MKRN1: variants seen among roughly 807,000 people sequenced by gnomAD.
MKRN1 encodes makorin ring finger protein 1.
A neutral mutation model predicts 55.5 loss-of-function variants in MKRN1; 9 were observed. That is an observed-to-expected ratio of 0.16 (90% confidence interval 0.10 to 0.28). The LOEUF is 0.28. Ranked by LOEUF, MKRN1 falls within the 10% of genes least tolerant of loss-of-function variation. The pLI is 1.00. For synonymous variants in MKRN1, 253 were observed against 235.9 expected (o/e 1.07, Z -0.66); for missense variants, 488 against 626.7 (o/e 0.78, Z 2.36).
chr7:140,453,775 G>A lies in MKRN1; in HGVS notation c.*742C>T, dbSNP rs530764176. On this transcript the variant is annotated 3_prime_UTR_variant, in exon 8 of 8. Transcript: ENST00000255977. ...AAGAATACTGCATCTATGCAGGGAT[G>A]AGAAGCTTATCACACACCCACACAC... The A allele has an allele frequency of 1.7e-3, 264 of 153,820 alleles. No individual in the cohort carries two copies. The highest frequency in any genetic ancestry group is 2.7e-3 in the Non-Finnish European group (188 of 68,858). 9.5% of individuals were successfully genotyped at this position (153,820 alleles called of 1,614,324 possible).
Position 140,470,011 on chromosome 7 carries a change from G to T in MKRN1, c.314+1872C>A, listed in dbSNP as rs548347803. Among the ~76,000 whole-genome samples the T allele has an allele frequency of 3.5e-3, 473 of 134,698 alleles. 3 individuals are homozygous for T. Among genetic ancestry groups the T allele is most frequent in the Admixed American group, 5.5e-3 (62 of 11,204 alleles). 88.4% of individuals were successfully genotyped at this position (134,698 alleles called of 152,430 possible). ...TGCAGTGAGCTGAGGCTGTGCCACT[G>T]AACTCCAGCCTGGCGACAGAGCTAG... On this transcript the variant is annotated intron_variant, in intron 2 of 7. Transcript: ENST00000255977.
At chr7:140,468,464 G>A (rs1422747783) in intron 2 of MKRN1, among the ~76,000 whole-genome samples, 1 of 150,010 alleles carries the variant, frequency 6.7e-6, no homozygotes, top group Non-Finnish European at 1.5e-5. Flanking sequence ...ACTTTGGGAG[G>A]CCGAGGCAGG....
At chr7:140,456,113 C>A in intron 5 of MKRN1, 1 of 845,224 alleles carries the variant, frequency 1.2e-6, no homozygotes, top group Non-Finnish European at 1.5e-6. Flanking sequence ...CTAGCCAGTT[C>A]TTTTTTTTTT....
chr7:140,462,455 G>A (rs1194652746), intron 2 of MKRN1, among the ~76,000 whole-genome samples: 1 of 152,194 alleles, frequency 6.6e-6, no homozygotes, highest in East Asian at 1.9e-4. Context: ...TGTTATAGGT[G>A]CCTATGTTTA....
intron 2 of MKRN1, among the ~76,000 whole-genome samples, chr7:140,464,941 C>T (rs1429955434): frequency 6.6e-6 from 1 of 152,138 alleles, no homozygotes; most frequent in African/African-American, 2.4e-5. Flanking sequence ...CAGGTACACA[C>T]CACCACACCC....
At chr7:140,471,212 C>T (rs1433379474) in intron 2 of MKRN1, among the ~76,000 whole-genome samples, 1 of 151,988 alleles carries the variant, frequency 6.6e-6, no homozygotes, top group Non-Finnish European at 1.5e-5. Context: ...ATTAAGACCC[C>T]CATCTCTACA....
Position 140,471,846 on chromosome 7 carries a change from A to G in MKRN1, c.314+37T>C, listed in dbSNP as rs745791313. On this transcript the variant is annotated intron_variant, in intron 2 of 7. Coordinates refer to ENST00000255977, the MANE Select transcript of MKRN1 (RefSeq NM_013446.4). The stretch of plus-strand genomic sequence containing the variant: ...AGTATGTCTTTTACCTTTTTCCTCC[A>G]ACCCACCCCTGAACAAATTTATAAA... The G allele has an allele frequency of 1.9e-6, 3 of 1,600,818 alleles. No homozygotes were observed. The South Asian group carries it at 3.4e-5, about 18-fold the overall frequency.
chr7:140,466,938 G>C (rs76893674), intron 2 of MKRN1, among the ~76,000 whole-genome samples: 131 of 149,824 alleles, frequency 8.7e-4, no homozygotes, highest in South Asian at 1.7e-3. Flanking sequence ...AACAAAGAAA[G>C]AAACAAACAA....
chr7:140,457,555 C>A (rs1038484699), intron 4 of MKRN1, among the ~76,000 whole-genome samples: 1 of 152,078 alleles, frequency 6.6e-6, no homozygotes, highest in Non-Finnish European at 1.5e-5. Context: ...CATGGCGAAA[C>A]CCCATCTCTA....
At chr7:140,456,923 G>C (rs78256678) in intron 4 of MKRN1, 57 bp from the exon 5 acceptor site, 11 of 1,509,554 alleles carry the variant, frequency 7.3e-6, no homozygotes, top group Non-Finnish European at 9.1e-6. Context: ...TGAAAAACTT[G>C]AGCAACAGTT....
chr7:140,462,994 T>C (rs1794667721), intron 2 of MKRN1, among the ~76,000 whole-genome samples: 1 of 151,774 alleles, frequency 6.6e-6, no homozygotes, highest in African/African-American at 2.4e-5. Context: ...GCGCGGTGGC[T>C]CATGCCTGTA....
chr7:140,457,483 C>CT (rs1794501768), intron 4 of MKRN1, among the ~76,000 whole-genome samples: 1 of 152,102 alleles, frequency 6.6e-6, no homozygotes, highest in African/African-American at 2.4e-5. Context: ...ACTCCCAGCA[C>CT]TTTGGAAGGC....
chr7:140,477,384 T>G (rs1302638146), intron 1 of MKRN1, among the ~76,000 whole-genome samples: 3 of 152,108 alleles, frequency 2.0e-5, no homozygotes, highest in Admixed American at 1.3e-4. Flanking sequence ...TGAAGTGGTG[T>G]GATATTGGCT....
At chr7:140,465,465 T>C (rs1481132863) in intron 2 of MKRN1, among the ~76,000 whole-genome samples, 1 of 151,666 alleles carries the variant, frequency 6.6e-6, no homozygotes, top group Non-Finnish European at 1.5e-5. Context: ...AGAGCACGAC[T>C]CCATCTAAAA....
At chr7:140,468,058 T>C (rs1794823102) in intron 2 of MKRN1, among the ~76,000 whole-genome samples, 1 of 144,038 alleles carries the variant, frequency 6.9e-6, no homozygotes. Flanking sequence ...AATTTAACCT[T>C]CATTTTTTTC....
At chr7:140,457,033 GTTT>G (rs61226924) in intron 4 of MKRN1, 167 bp from the exon 5 acceptor site, 3 of 602,894 alleles carry the variant, frequency 5.0e-6, no homozygotes, top group Non-Finnish European at 5.5e-6. Flanking sequence ...CAGGTGTGGT[GTTT>G]TTTTTTTGTT....
rs188973322 is a variant in MKRN1 at position 140,466,530 on chromosome 7, C to T, written c.314+5353G>A. On this transcript the variant is annotated intron_variant, in intron 2 of 7. Coordinates refer to ENST00000255977, the MANE Select transcript of MKRN1 (RefSeq NM_013446.4). ...CAGAATAAAAAAACTTAAGGCCGGGCGCGGTGGCTCACGCCTGTAATCCCA... is the reference window on the plus strand; with the variant it reads ...CAGAATAAAAAAACTTAAGGCCGGGTGCGGTGGCTCACGCCTGTAATCCCA... Among the ~76,000 whole-genome samples the T allele has an allele frequency of 3.3e-3, 497 of 152,158 alleles. 1 individual carries two copies. The highest frequency in any genetic ancestry group is 0.011 in the African/African-American group (443 of 41,514).
intron 2 of MKRN1, chr7:140,460,246 C>CAAAAAAAAAAAAAA (rs58698651): frequency 4.9e-4 from 38 of 76,808 alleles, no homozygotes; most frequent in African/African-American, 1.5e-3. Flanking sequence ...GACTCCGTCT[C>CAAAAAAAAAAAAAA]AAAAAAAAAA....
intron 2 of MKRN1, among the ~76,000 whole-genome samples, chr7:140,460,437 G>A (rs1794588960): frequency 6.7e-6 from 1 of 150,114 alleles, no homozygotes; most frequent in African/African-American, 2.4e-5. Flanking sequence ...AGCCTCCCAA[G>A]TAGCTGGGAT....
Sources: gnomAD v4.1 joint callset for allele counts (sites outside exome capture counted in the v4.1 genomes callset) on GRCh38, gnomAD v4.1.1 for gene constraint, MANE v1.5 for transcripts, NCBI Gene and HGNC (gene_info 2026-07-23, HGNC 2026-07-21) for gene names.